The following CCDC88A variants were observed in gnomAD, a reference collection of about 807,000 sequenced individuals.
CCDC88A encodes the protein girdin.
Under a neutral mutation model 234.3 loss-of-function variants are expected in CCDC88A, and 54 were observed. The observed-to-expected ratio is 0.23, with a 90% CI of 0.19 to 0.29. The LOEUF (loss-of-function observed/expected upper bound fraction) is 0.29. Among genes scored for constraint, CCDC88A ranks in the 10% least tolerant of loss-of-function variants. The probability of loss-of-function intolerance (pLI) is 1.00; values close to 1 mark genes in which losing one functional copy is unlikely to be tolerated. For synonymous variants in CCDC88A, 753 were observed against 737.8 expected, an observed-to-expected ratio of 1.02 and a Z score of -0.33; for missense variants, 1,832 against 2,123.4, an observed-to-expected ratio of 0.86 and a Z score of 2.70.
In CCDC88A at chr2:55,336,773, G is replaced by C. The variant is rs1685504648; in HGVS notation, c.1564C>G (p.Gln522Glu). 1 of 1,591,850 alleles carries C rather than the reference G, an allele frequency of 6.3e-7. No homozygotes were observed. The highest frequency in any genetic ancestry group is 1.3e-5 in the African/African-American group (1 of 74,226). The stretch of plus-strand genomic sequence containing the variant: ...TCCTTGCTTAAATTCTGACAATTCT[G>C]AAGACTTTGCTTTTCTTGAACAATC... ...NEIVQEKQSL[Q>E]NCQNLSKDLM... The change falls in exon 14 of 33, where the codon CAG becomes GAG. Residue 522 changes from glutamine to glutamate, a missense_variant. By Grantham distance (29) the Gln-to-Glu change is conservative (BLOSUM62 2). Transcript: ENST00000436346.
chr2:55,332,172 G>GC lies in CCDC88A; in HGVS notation c.2855+393dup, dbSNP rs1684994696. ...TCGCTCTTGTTGCCCAGGCTGGAGT[G>GC]CAACGGCACGATCTCAGCTCACCGC... is the stretch of plus-strand genomic sequence containing the variant. On this transcript the variant is annotated intron_variant, in intron 16 of 32. Coordinates refer to ENST00000436346, the MANE Select transcript of CCDC88A (RefSeq NM_001365480.1). This position sits in a 1 kb window ranked among gnomAD's most constrained non-coding sequence, Gnocchi z 4.5. The GC allele has an allele frequency of 6.5e-6, 1 of 153,710 alleles. No homozygotes were observed. Among genetic ancestry groups the GC allele is most frequent in the Admixed American group, 6.5e-5 (1 of 15,302 alleles). 9.5% of individuals were successfully genotyped at this position (153,710 alleles called of 1,614,324 possible).
At chr2:55,407,836 GC>G (rs1469885591) in intron 2 of CCDC88A, among the ~76,000 whole-genome samples, 5 of 149,300 alleles carry the variant, frequency 3.3e-5, no homozygotes, top group African/African-American at 1.2e-4. Flanking sequence ...TCCTGCCTCT[GC>G]CTCCCGTGTA....
chr2:55,312,653 C>T (rs576848897), intron 22 of CCDC88A, 74 bp from the exon 23 acceptor site: 1 of 1,059,900 alleles, frequency 9.4e-7, no homozygotes, highest in East Asian at 2.5e-5. Context: ...ATATGAAGTA[C>T]TACACAAAGA....
At chr2:55,343,850 G>A (rs942929553) in intron 11 of CCDC88A, 58 bp from the exon 12 acceptor site, 30 of 1,331,350 alleles carry the variant, frequency 2.3e-5, no homozygotes, top group Non-Finnish European at 5.1e-6. Context: ...ACAATTTTGA[G>A]CAAATACTTT....
At chr2:55,292,007 A>T in intron 31 of CCDC88A, 1 of 282,632 alleles carries the variant, frequency 3.5e-6, no homozygotes, top group Non-Finnish European at 6.3e-6. Context: ...TAACAATTAC[A>T]TTTCCCCCCC....
chr2:55,291,475 AAAT>A, intron 32 of CCDC88A, 198 bp downstream of exon 32: 1 of 356,906 alleles, frequency 2.8e-6, no homozygotes, highest in Non-Finnish European at 5.0e-6. Flanking sequence ...ACTTAAAAAA[AAAT>A]ACTTGTTCCT....
In CCDC88A at chr2:55,367,436, T is replaced by C. The variant is rs150306734; in HGVS notation, c.403-3403A>G. Among the ~76,000 whole-genome samples the C allele has an allele frequency of 3.3e-5, 5 of 152,138 alleles. No individual in the cohort carries two copies. In the East Asian group the frequency reaches 9.6e-4, roughly 29 times the overall value. ...ATTATGTATTTGAAAACAATACTTG[T>C]ATCAACAAAAGTCTCCCTCTTTGAG... is the stretch of plus-strand genomic sequence containing the variant. On this transcript the variant is annotated intron_variant, in intron 5 of 32. Transcript: ENST00000436346.
chr2:55,341,914 T>C (rs1291203185), intron 12 of CCDC88A, among the ~76,000 whole-genome samples: 1 of 152,240 alleles, frequency 6.6e-6, no homozygotes, highest in Admixed American at 6.5e-5. Flanking sequence ...TGATTTAATG[T>C]CCTTTAGATA....
chr2:55,363,939 TA>T lies in CCDC88A; in HGVS notation c.486+10del, dbSNP rs1389810962. ...CATAAATAGCACGTAAAATTGTATA[TA>T]TGTCATTACCTCTTGAATATGTGCG... On this transcript the variant is annotated intron_variant, in intron 6 of 32. Coordinates refer to ENST00000436346, the MANE Select transcript of CCDC88A (RefSeq NM_001365480.1). The T allele has an allele frequency of 5.3e-6, 8 of 1,498,444 alleles. No homozygotes were observed. Among genetic ancestry groups the T allele is most frequent in the Non-Finnish European group, 7.4e-6 (8 of 1,083,020 alleles). The allele number at this position is 1,498,444 out of a possible 1,614,324, so 92.8% of individuals were successfully genotyped here.
At chr2:55,342,221 TTTTA>T (rs1250390511) in intron 12 of CCDC88A, among the ~76,000 whole-genome samples, 8 of 152,242 alleles carry the variant, frequency 5.3e-5, no homozygotes, top group African/African-American at 1.7e-4. Flanking sequence ...TTTTAGTGCC[TTTTA>T]TTTCTTCCTT....
intron 19 of CCDC88A, 81 bp downstream of exon 19, chr2:55,318,762 T>C (rs1683262610): frequency 1.8e-6 from 2 of 1,111,402 alleles, no homozygotes; most frequent in Non-Finnish European, 2.5e-6. Context: ...TAAGAAACAA[T>C]GTTTCCATGT....
intron 2 of CCDC88A, among the ~76,000 whole-genome samples, chr2:55,406,477 G>A (rs1024147140): frequency 2.0e-5 from 3 of 152,050 alleles, no homozygotes; most frequent in African/African-American, 4.8e-5. Context: ...ACTAGTGTCC[G>A]GGCATGGTGG....
At position 55,317,544 on chromosome 2, in the gene CCDC88A, A is replaced by G. The variant is rs41281499; in HGVS notation, c.3602+20T>C. ...AAAATTCATTTTAAATTCACAGTAC[A>G]ACAAAATATAATAAATTACCGGTCT... On this transcript the variant is annotated intron_variant, in intron 20 of 32. Transcript: ENST00000436346. The surrounding 1 kb of genome is among the most constrained non-coding windows in gnomAD (Gnocchi z 4.2). 17,366 of 1,510,982 alleles carry G rather than the reference A, an allele frequency of 0.011. 123 individuals are homozygous for G. The highest frequency in any genetic ancestry group is 0.034 in the Middle Eastern group (190 of 5,556). 93.6% of individuals were successfully genotyped at this position (1,510,982 alleles called of 1,614,324 possible). A position where few individuals can be genotyped will look rare whatever the true frequency, so the allele number is the denominator to read the frequency against.
At chr2:55,348,249 G>A (rs1482954628) in intron 9 of CCDC88A, among the ~76,000 whole-genome samples, 1 of 151,852 alleles carries the variant, frequency 6.6e-6, no homozygotes, top group African/African-American at 2.4e-5. Context: ...ATAGGCATGA[G>A]CCACTGCGCC....
At chr2:55,365,551 C>T (rs1225187221) in intron 5 of CCDC88A, among the ~76,000 whole-genome samples, 2 of 152,112 alleles carry the variant, frequency 1.3e-5, no homozygotes, top group African/African-American at 2.4e-5. Context: ...AAGCCAGAGC[C>T]ACTTGTTTTT....
intron 3 of CCDC88A, among the ~76,000 whole-genome samples, chr2:55,387,269 G>A (rs1354456898): frequency 2.7e-5 from 4 of 148,772 alleles, no homozygotes; most frequent in African/African-American, 5.0e-5. Context: ...AAAAAAACCC[G>A]AAAATACAAG....
rs896765156 is a variant in CCDC88A at position 55,355,663 on chromosome 2, C to A, written c.716G>T (p.Gly239Val). 1.2e-6 allele frequency: 2 copies of A among 1,613,876 alleles called. No homozygotes were observed. The highest frequency in any genetic ancestry group is 2.7e-5 in the African/African-American group (2 of 74,894). Residue 239 changes from glycine to valine, a missense_variant, in exon 8 of 33, where the codon GGC becomes GTC. Gly to Val is a moderately radical substitution (Grantham distance 109, BLOSUM62 -3). Coordinates refer to ENST00000436346, the MANE Select transcript of CCDC88A (RefSeq NM_001365480.1). ...TTGTCGACTTTCTGTTCGCTTCATG[C>A]CTGGAGAACCACAGGGTGACTGTGC... ...SSAQSPCGSPGMKRTESRQHL... is the reference protein window; with the variant it reads ...SSAQSPCGSPVMKRTESRQHL...
At chr2:55,381,552 C>CA (rs5831359) in intron 3 of CCDC88A, among the ~76,000 whole-genome samples, 4,733 of 93,404 alleles carry the variant, frequency 0.051, 620 homozygotes, top group African/African-American at 0.19. Flanking sequence ...GACCCTGTCT[C>CA]AAAAAAAAAA....
intron 5 of CCDC88A, among the ~76,000 whole-genome samples, chr2:55,364,714 T>A (rs1314008023): frequency 6.6e-6 from 1 of 152,248 alleles, no homozygotes; most frequent in East Asian, 1.9e-4. Context: ...GTGTAACTTT[T>A]AAAAAGCTTT....
Sources: allele counts gnomAD v4.1 joint callset (sites outside exome capture counted in the v4.1 genomes callset), GRCh38; gene constraint gnomAD v4.1.1; non-coding constraint Gnocchi (gnomAD v3.1); transcripts MANE v1.5; gene names NCBI Gene and HGNC (gene_info 2026-07-23, HGNC 2026-07-21).